Variants in CDC123 observed in about 807,000 individuals in gnomAD.
CDC123 encodes translation initiation factor eIF2 assembly protein.
Under a neutral mutation model 54.4 loss-of-function variants are expected in CDC123, and 37 were observed. The observed-to-expected ratio is 0.68, with a 90% CI of 0.52 to 0.89. CDC123 has a LOEUF of 0.89. Ranked by LOEUF, CDC123 falls within the 40% of genes least tolerant of loss-of-function variation. The probability of loss-of-function intolerance (pLI) is 0.00; values close to 1 mark genes in which losing one functional copy is unlikely to be tolerated. For synonymous variants in CDC123, 144 were observed against 136.8 expected (o/e 1.05, Z -0.37); for missense variants, 361 against 412.1 (o/e 0.88, Z 1.07).
intron 8 of CDC123, among the ~76,000 whole-genome samples, chr10:12,236,150 A>C (rs1216749984): frequency 6.6e-6 from 1 of 152,272 alleles, no homozygotes; most frequent in Admixed American, 6.5e-5. Flanking sequence ...TTCCCAAAGA[A>C]AGTGGAAGAG....
At chr10:12,239,378 G>T (rs1335942484) in intron 10 of CDC123, among the ~76,000 whole-genome samples, 2 of 152,134 alleles carry the variant, frequency 1.3e-5, no homozygotes, top group Admixed American at 6.5e-5. Flanking sequence ...AGTTCAGTTT[G>T]CACACTTAAA....
At chr10:12,197,666 C>T (rs543867289) in intron 1 of CDC123, among the ~76,000 whole-genome samples, 5 of 151,738 alleles carry the variant, frequency 3.3e-5, no homozygotes, top group African/African-American at 1.2e-4. Flanking sequence ...TGTGAGCCAC[C>T]GCGCCCGGCC....
At chr10:12,228,666 G>C (rs1835860283) in intron 6 of CDC123, among the ~76,000 whole-genome samples, 1 of 152,166 alleles carries the variant, frequency 6.6e-6, no homozygotes, top group Non-Finnish European at 1.5e-5. Context: ...TGCCTCCCAG[G>C]TTCAAGCGAT....
chr10:12,198,837 G>A (rs1835399440), intron 2 of CDC123, 61 bp downstream of exon 2: 1 of 885,994 alleles, frequency 1.1e-6, no homozygotes, highest in Non-Finnish European at 1.9e-6. Context: ...TAAAATGAAT[G>A]AATTAGCTTA....
At chr10:12,216,133 T>C (rs1835660584) in intron 5 of CDC123, among the ~76,000 whole-genome samples, 1 of 152,208 alleles carries the variant, frequency 6.6e-6, no homozygotes, top group African/African-American at 2.4e-5. Context: ...CTGTTCAGTT[T>C]AACAGAGAAA....
At chr10:12,240,056 G>C (rs371524811) in intron 10 of CDC123, among the ~76,000 whole-genome samples, 1 of 150,674 alleles carries the variant, frequency 6.6e-6, no homozygotes, top group African/African-American at 2.4e-5. Context: ...TCAACTAAAA[G>C]TGACTCAAAG....
chr10:12,237,328 T>C, intron 9 of CDC123, 62 bp downstream of exon 9: 1 of 1,351,788 alleles, frequency 7.4e-7, no homozygotes, highest in Non-Finnish European at 9.8e-7. Flanking sequence ...CTGGACCTTA[T>C]TTACTATGGT....
intron 8 of CDC123, among the ~76,000 whole-genome samples, chr10:12,236,639 A>T (rs922475621): frequency 3.3e-5 from 5 of 151,124 alleles, no homozygotes; most frequent in Admixed American, 6.6e-5. Flanking sequence ...TTACACCTGT[A>T]ATCCCAGCAT....
At position 12,209,802 on chromosome 10, in the gene CDC123, C is replaced by T. The variant is rs537081025; in HGVS notation, c.147-165C>T. ...CTGATCTCTACCTCCTGACCTCAAG[C>T]GATCCACTCACTCAGCCTGCCAGAG... is the stretch of plus-strand genomic sequence containing the variant. On this transcript the variant is annotated intron_variant, in intron 2 of 12. Coordinates refer to ENST00000281141, the MANE Select transcript of CDC123 (RefSeq NM_006023.3). Among the ~76,000 whole-genome samples, 35 of 151,964 alleles carry T rather than the reference C, an allele frequency of 2.3e-4. No individual in the cohort carries two copies. In the East Asian group the frequency reaches 2.3e-3, roughly 10 times the overall value.
At chr10:12,224,668 G>C (rs1018188971) in intron 6 of CDC123, among the ~76,000 whole-genome samples, 1 of 152,170 alleles carries the variant, frequency 6.6e-6, no homozygotes, top group African/African-American at 2.4e-5. Flanking sequence ...GACTGTAGTT[G>C]AATACCACGT....
intron 6 of CDC123, among the ~76,000 whole-genome samples, chr10:12,229,125 T>C (rs1835866016): frequency 6.6e-6 from 1 of 152,104 alleles, no homozygotes; most frequent in Non-Finnish European, 1.5e-5. Flanking sequence ...CCCGAGGCTA[T>C]TGCAGCAAGC....
chr10:12,213,972 A>G (rs1835634303), intron 4 of CDC123, among the ~76,000 whole-genome samples: 1 of 152,212 alleles, frequency 6.6e-6, no homozygotes, highest in Non-Finnish European at 1.5e-5. Context: ...AAAGTAGCTC[A>G]CAGACCTGGC....
intron 4 of CDC123, among the ~76,000 whole-genome samples, chr10:12,214,829 G>A (rs916218409): frequency 2.0e-5 from 3 of 152,024 alleles, no homozygotes; most frequent in Non-Finnish European, 4.4e-5. Context: ...TTGATTACTG[G>A]ATTTTTTCAG....
rs534964948 is a variant in CDC123 at position 12,198,788 on chromosome 10, T to G, written c.146+12T>G. ...GTGGTTTCAGGAAGGTAAAGTATTT[T>G]AGAAAAAAATTTCTTAAACTTTATC... On this transcript the variant is annotated intron_variant, in intron 2 of 12. Transcript: ENST00000281141. The G allele has an allele frequency of 5.5e-6, 8 of 1,463,176 alleles. No individual in the cohort carries two copies. Among genetic ancestry groups the G allele is most frequent in the Non-Finnish European group, 7.6e-6 (8 of 1,053,580 alleles). 90.6% of individuals were successfully genotyped at this position (1,463,176 alleles called of 1,614,324 possible).
intron 4 of CDC123, among the ~76,000 whole-genome samples, chr10:12,215,237 G>A (rs1332843488): frequency 6.6e-6 from 1 of 152,190 alleles, no homozygotes; most frequent in Non-Finnish European, 1.5e-5. Context: ...GGAAATAGCA[G>A]TGTTTAAATA....
intron 1 of CDC123, among the ~76,000 whole-genome samples, chr10:12,198,269 A>G (rs889833609): frequency 5.9e-5 from 9 of 152,212 alleles, no homozygotes; most frequent in African/African-American, 2.2e-4. Context: ...CCAACCCAAG[A>G]ATGGTTTCCA....
chr10:12,217,476 C>T lies in CDC123; in HGVS notation c.440+9C>T, dbSNP rs1054330296. The T allele has an allele frequency of 1.2e-6, 2 of 1,610,820 alleles. No individual in the cohort carries two copies. Among genetic ancestry groups the T allele is most frequent in the Non-Finnish European group, 1.7e-6 (2 of 1,178,384 alleles). On this transcript the variant is annotated intron_variant, in intron 6 of 12. Transcript: ENST00000281141. ...CGTGACTTCACTCAGCCGTAAGTATCTCTTATTCTCTCATGTCAATAGTTT... is the reference window on the plus strand; with the variant it reads ...CGTGACTTCACTCAGCCGTAAGTATTTCTTATTCTCTCATGTCAATAGTTT...
At chr10:12,225,577 T>C (rs796905395) in intron 6 of CDC123, among the ~76,000 whole-genome samples, 1 of 152,178 alleles carries the variant, frequency 6.6e-6, no homozygotes, top group African/African-American at 2.4e-5. Context: ...AGTAGTTAAC[T>C]GAATATAAAG....
chr10:12,239,041 G>T (rs1836018540), intron 10 of CDC123, among the ~76,000 whole-genome samples: 1 of 152,026 alleles, frequency 6.6e-6, no homozygotes, highest in Non-Finnish European at 1.5e-5. Context: ...TGTAGTCCCA[G>T]TTATGCAAGA....
Sources: allele counts gnomAD v4.1 joint callset (sites outside exome capture counted in the v4.1 genomes callset), GRCh38; gene constraint gnomAD v4.1.1; transcripts MANE v1.5; gene names NCBI Gene and HGNC (gene_info 2026-07-23, HGNC 2026-07-21).